The following ZFYVE28 variants were observed in gnomAD, a reference collection of about 807,000 sequenced individuals.
ZFYVE28 encodes lateral signaling target protein 2 homolog.
In ZFYVE28, 40 loss-of-function variants were observed where a neutral mutation model predicts 82.1. That is an observed-to-expected ratio of 0.49 (90% CI 0.38 to 0.63). The LOEUF (loss-of-function observed/expected upper bound fraction) is 0.63. Ranked by LOEUF, ZFYVE28 falls within the 30% of genes least tolerant of loss-of-function variation. The probability of loss-of-function intolerance (pLI) is 0.00; values close to 1 mark genes in which losing one functional copy is unlikely to be tolerated. For missense variants in ZFYVE28, 1,321 were observed against 1,242.1 expected (o/e 1.06, Z -0.96); for synonymous variants, 612 against 546.1 (o/e 1.12, Z -1.68).
intron 8 of ZFYVE28, among the ~76,000 whole-genome samples, chr4:2,303,781 C>T (rs1716002118): frequency 6.6e-6 from 1 of 152,220 alleles, no homozygotes; most frequent in Non-Finnish European, 1.5e-5. Flanking sequence ...CTCATGGCCC[C>T]AGTCTCCGCG....
rs572163180 is a variant in ZFYVE28, at chr4:2,417,514, T to A, written c.39+771A>T. 1.7e-4 allele frequency among the ~76,000 whole-genome samples: 25 copies of A among 151,420 alleles called. 1 individual carries two copies. In the South Asian group the frequency reaches 2.1e-3, roughly 13 times the overall value. ...CGGGCGCCGGCTGGAGAGCCGCACC[T>A]CCCGCCCCGCCGAGGCTGCTGGCCA... On this transcript the variant is annotated intron_variant, in intron 1 of 12. Transcript: ENST00000290974. The surrounding 1 kb of genome is among the most constrained non-coding windows in gnomAD (Gnocchi z 4.8).
At chr4:2,349,521 A>T (rs1290849871) in intron 2 of ZFYVE28, among the ~76,000 whole-genome samples, 1 of 151,852 alleles carries the variant, frequency 6.6e-6, no homozygotes, top group Non-Finnish European at 1.5e-5. Context: ...GTATAATAAT[A>T]AAAAAAATAA....
At chr4:2,299,346 C>T (rs922919034) in intron 8 of ZFYVE28, among the ~76,000 whole-genome samples, 1 of 151,956 alleles carries the variant, frequency 6.6e-6, no homozygotes, top group Admixed American at 6.6e-5. Flanking sequence ...CGAGGGATGG[C>T]ACTGCTGGGG....
At chr4:2,352,742 C>T (rs971464034) in intron 2 of ZFYVE28, among the ~76,000 whole-genome samples, 1 of 152,168 alleles carries the variant, frequency 6.6e-6, no homozygotes, top group African/African-American at 2.4e-5. Flanking sequence ...TGGCAGCCCC[C>T]ACCTCTCAAA....
Position 2,335,315 on chromosome 4 carries a change from CTT to C in ZFYVE28, c.701+388_701+389del, listed in dbSNP as rs1392570540. 3.3e-5 allele frequency among the ~76,000 whole-genome samples: 5 copies of C among 152,288 alleles called. No homozygotes were observed. In the East Asian group the frequency reaches 9.7e-4, roughly 30 times the overall value. On this transcript the variant is annotated intron_variant, in intron 6 of 12. Transcript: ENST00000290974. The surrounding 1 kb of genome is among the most constrained non-coding windows in gnomAD (Gnocchi z 5.8). ...AGGGACCCGGGGGGCAGCTCGTCCT[CTT>C]GTTACCACCAAGTCTGCCTCCCACA...
At chr4:2,360,697 C>T (rs1299697750) in intron 1 of ZFYVE28, among the ~76,000 whole-genome samples, 2 of 152,172 alleles carry the variant, frequency 1.3e-5, no homozygotes, top group Non-Finnish European at 2.9e-5. Flanking sequence ...TCCTGATTAA[C>T]AGAATCCAGA....
At chr4:2,391,495 TAACA>T (rs1204702631) in intron 1 of ZFYVE28, among the ~76,000 whole-genome samples, 2 of 100,526 alleles carry the variant, frequency 2.0e-5, no homozygotes, top group Non-Finnish European at 3.9e-5. Flanking sequence ...AAAATGCAAA[TAACA>T]TAAAATTTGC....
At chr4:2,407,378 C>T (rs1450809050) in intron 1 of ZFYVE28, among the ~76,000 whole-genome samples, 1 of 151,948 alleles carries the variant, frequency 6.6e-6, no homozygotes, top group Non-Finnish European at 1.5e-5. Context: ...GCCAGTCCAG[C>T]AGAGGCCCCT....
intron 1 of ZFYVE28, among the ~76,000 whole-genome samples, chr4:2,387,951 A>G (rs1729445378): frequency 6.6e-6 from 1 of 152,242 alleles, no homozygotes; most frequent in Non-Finnish European, 1.5e-5. Flanking sequence ...CCCCACATTC[A>G]TGCTGCCTGA....
At chr4:2,405,041 T>C (rs540854559) in intron 1 of ZFYVE28, among the ~76,000 whole-genome samples, 22 of 152,052 alleles carry the variant, frequency 1.4e-4, no homozygotes, top group Non-Finnish European at 2.8e-4. Context: ...CACACTTCAA[T>C]CTCTTAAAAG....
chr4:2,320,756 C>T lies in ZFYVE28; in HGVS notation c.702-485G>A, dbSNP rs749227746. On this transcript the variant is annotated intron_variant, in intron 6 of 12. Transcript: ENST00000290974. The surrounding 1 kb of genome is among the most constrained non-coding windows in gnomAD (Gnocchi z 5.1). ...GGTTCCCTTCCTGCAGCCTGGCCAA[C>T]GCTCCACAAGCCACGAGACCAAAGC... 1.3e-4 allele frequency among the ~76,000 whole-genome samples: 20 copies of T among 152,172 alleles called. No homozygotes were observed. Among genetic ancestry groups the T allele is most frequent in the Non-Finnish European group, 2.2e-4 (15 of 68,026 alleles).
intron 1 of ZFYVE28, among the ~76,000 whole-genome samples, chr4:2,398,721 GC>G: frequency 1.4e-5 from 1 of 69,880 alleles, no homozygotes; most frequent in South Asian, 6.3e-4. Context: ...ACAAGCGGGG[GC>G]AAGATCGAGG....
intron 7 of ZFYVE28, among the ~76,000 whole-genome samples, chr4:2,319,611 G>A (rs775066376): frequency 9.9e-5 from 15 of 152,276 alleles, no homozygotes; most frequent in South Asian, 2.1e-4. Flanking sequence ...CGTGGCCCCC[G>A]TCCCTCCAGG....
At chr4:2,388,058 C>T (rs1430901865) in intron 1 of ZFYVE28, among the ~76,000 whole-genome samples, 2 of 152,210 alleles carry the variant, frequency 1.3e-5, no homozygotes, top group African/African-American at 4.8e-5. Flanking sequence ...TCTGCAGGAA[C>T]CCACTGAGCA....
At chr4:2,370,048 C>A (rs1727361900) in intron 1 of ZFYVE28, among the ~76,000 whole-genome samples, 1 of 151,616 alleles carries the variant, frequency 6.6e-6, no homozygotes, top group Non-Finnish European at 1.5e-5. Context: ...ACGGGTTTCA[C>A]CATGTTGGCC....
chr4:2,394,520 G>A lies in ZFYVE28; in HGVS notation c.39+23765C>T, dbSNP rs770191073. Among the ~76,000 whole-genome samples the A allele has an allele frequency of 1.1e-4, 17 of 152,160 alleles. No individual in the cohort carries two copies. Among genetic ancestry groups the A allele is most frequent in the South Asian group, 2.1e-4 (1 of 4,830 alleles). On this transcript the variant is annotated intron_variant, in intron 1 of 12. Transcript: ENST00000290974. The surrounding 1 kb of genome is among the most constrained non-coding windows in gnomAD (Gnocchi z 4.0). Reference sequence around the variant, plus strand: ...CTAGGCTGGCTGCGTTTCTCTTCACGGGGTGGTTGACCGCATGAGAAGGGT... The same window carrying A: ...CTAGGCTGGCTGCGTTTCTCTTCACAGGGTGGTTGACCGCATGAGAAGGGT...
chr4:2,320,191 T>A lies in ZFYVE28; in HGVS notation c.782A>T (p.His261Leu), dbSNP rs767557920. ...CCACCTTATTTTCCGCAGCAACGTG[T>A]GGAAGGGCCGGAACAGCTCGGACAT... ...EDMSELFRPFHTLLRKIRDLL... is the reference protein window; with the variant it reads ...EDMSELFRPFLTLLRKIRDLL... Residue 261 changes from histidine to leucine, a missense_variant, in exon 7 of 13, where the codon CAC becomes CTC. Coordinates refer to ENST00000290974, the MANE Select transcript of ZFYVE28 (RefSeq NM_020972.3). This position sits in a 1 kb window ranked among gnomAD's most constrained non-coding sequence, Gnocchi z 5.1. 6.2e-7 allele frequency: 1 copy of A among 1,613,088 alleles called. No homozygotes were observed. Among genetic ancestry groups the A allele is most frequent in the Non-Finnish European group, 8.5e-7 (1 of 1,179,736 alleles).
At chr4:2,411,893 C>G (rs1466214416) in intron 1 of ZFYVE28, among the ~76,000 whole-genome samples, 1 of 152,208 alleles carries the variant, frequency 6.6e-6, no homozygotes, top group African/African-American at 2.4e-5. Flanking sequence ...ATGGGGGGCA[C>G]AGGCCATGGG....
At chr4:2,312,726 CAA>C (rs1170479977) in intron 7 of ZFYVE28, among the ~76,000 whole-genome samples, 20,315 of 64,628 alleles carry the variant, frequency 0.31, 1,267 homozygotes, top group Middle Eastern at 0.35. Flanking sequence ...GACTCTGCCT[CAA>C]AAAAAAAAAA....
Sources: gnomAD v4.1 joint callset for allele counts (sites outside exome capture counted in the v4.1 genomes callset) on GRCh38, gnomAD v4.1.1 for gene constraint, Gnocchi (gnomAD v3.1) non-coding constraint, MANE v1.5 for transcripts, NCBI Gene and HGNC (gene_info 2026-07-23, HGNC 2026-07-21) for gene names.